The following BTG4 variants were observed in gnomAD, a reference collection of about 807,000 sequenced individuals.
BTG4 encodes BTG anti-proliferation factor 4, also known as protein BTG4.
BTG4 carries 10 observed loss-of-function variants against 19.3 expected under a neutral mutation model. The observed-to-expected ratio is 0.52, with a 90% CI of 0.32 to 0.88. BTG4 has a LOEUF of 0.88. Ranked by LOEUF, BTG4 falls within the 40% of genes least tolerant of loss-of-function variation. BTG4 has a pLI of 0.04. For synonymous variants in BTG4, 91 were observed against 95.7 expected (o/e 0.95, Z 0.29); for missense variants, 238 against 281.9 (o/e 0.84, Z 1.11).
At chr11:111,484,502 G>A (rs1220869982) in intron 5 of BTG4, among the ~76,000 whole-genome samples, 1 of 152,124 alleles carries the variant, frequency 6.6e-6, no homozygotes, top group African/African-American at 2.4e-5. Context: ...GGAGGAGATG[G>A]AGTTCAAGTG....
the BTG4 span, among the ~76,000 whole-genome samples, chr11:111,435,590 G>C: frequency 1.3e-5 from 2 of 152,172 alleles, no homozygotes. Flanking sequence ...CACCAGGCTT[G>C]GCCCTGGGAA....
chr11:111,445,208 C>G, the BTG4 span, among the ~76,000 whole-genome samples: 1 of 152,334 alleles, frequency 6.6e-6, no homozygotes, highest in South Asian at 2.1e-4. Flanking sequence ...CCAAACCTCT[C>G]TGAGCCTCAG....
chr11:111,392,169 CTTTTTTTTTTTTTTT>C, the BTG4 span, among the ~76,000 whole-genome samples: 4 of 85,396 alleles, frequency 4.7e-5, no homozygotes, highest in Admixed American at 1.6e-4. Context: ...CTGTGATTTT[CTTTTTTTTTTTTTTT>C]TTTTTTTTTT....
the BTG4 span, among the ~76,000 whole-genome samples, chr11:111,460,938 C>T: frequency 3.3e-5 from 5 of 152,306 alleles, no homozygotes; most frequent in South Asian, 8.3e-4. Flanking sequence ...CCCCCTGTCT[C>T]TCCCACCAAA....
At chr11:111,500,881 A>G (rs1866033625) in intron 1 of BTG4, among the ~76,000 whole-genome samples, 1 of 152,058 alleles carries the variant, frequency 6.6e-6, no homozygotes, top group African/African-American at 2.4e-5. Context: ...TCATTTTGTC[A>G]TATCTTTCCA....
intron 1 of BTG4, among the ~76,000 whole-genome samples, chr11:111,502,526 T>C (rs1057335761): frequency 2.0e-5 from 3 of 152,224 alleles, no homozygotes; most frequent in Non-Finnish European, 4.4e-5. Context: ...TTTGCAAAGA[T>C]TATTTTTTAA....
chr11:111,475,899 C>A (rs1266251675), intron 5 of BTG4, among the ~76,000 whole-genome samples: 2 of 152,068 alleles, frequency 1.3e-5, no homozygotes, highest in East Asian at 3.9e-4. Flanking sequence ...TCTTACATGG[C>A]AGCAGGCAAG....
chr11:111,509,803 C>T (rs1234883407), intron 1 of BTG4, among the ~76,000 whole-genome samples: 1 of 151,866 alleles, frequency 6.6e-6, no homozygotes, highest in Non-Finnish European at 1.5e-5. Flanking sequence ...TCTTCCTCTT[C>T]CAACAACATC....
chr11:111,424,238 G>A, the BTG4 span, among the ~76,000 whole-genome samples: 18 of 152,318 alleles, frequency 1.2e-4, no homozygotes, highest in African/African-American at 4.1e-4. Context: ...AGAGTGACAC[G>A]GATAGATGAT....
At chr11:111,436,356 C>T in the BTG4 span, among the ~76,000 whole-genome samples, 17 of 152,168 alleles carry the variant, frequency 1.1e-4, no homozygotes, top group Non-Finnish European at 2.1e-4. Flanking sequence ...GTGGCTCACG[C>T]CTGTAATCCC....
At chr11:111,489,815 T>G (rs1029157109), downstream of BTG4, among the ~76,000 whole-genome samples, 1 of 151,156 alleles carries the variant, frequency 6.6e-6, no homozygotes, top group African/African-American at 2.4e-5. Flanking sequence ...CCCATGGAAA[T>G]AGAGTAGAAT....
chr11:111,498,201 G>GCAC lies in BTG4; in HGVS notation c.174-69_174-67dup, dbSNP rs557236404. ...CACTTTAGCAGGAGAATCACATTAT[G>GCAC]CACATACTGTTCCAATACACATAGC... On this transcript the variant is annotated intron_variant, in intron 2 of 4. Transcript: ENST00000692032. The GCAC allele has an allele frequency of 7.2e-5, 113 of 1,564,708 alleles. 1 individual carries two copies. The East Asian group carries it at 2.4e-3, about 33-fold the overall frequency.
At chr11:111,438,502 T>C in the BTG4 span, among the ~76,000 whole-genome samples, 1 of 152,170 alleles carries the variant, frequency 6.6e-6, no homozygotes, top group East Asian at 1.9e-4. Flanking sequence ...TCATGGGCCA[T>C]TTCCCCCAGC....
downstream of BTG4, among the ~76,000 whole-genome samples, chr11:111,491,568 C>A (rs1001306761): frequency 6.6e-6 from 1 of 151,616 alleles, no homozygotes; most frequent in African/African-American, 2.4e-5. Flanking sequence ...GGCAACATAG[C>A]GAGACCTCGT....
chr11:111,494,867 G>T lies in BTG4; in HGVS notation c.*268C>A. ...ACCATTACTTTTCATAATTCATTGA[G>T]TCTTATTAGAGGTCAACATCTTCAT... On this transcript the variant is annotated 3_prime_UTR_variant, in exon 5 of 5. Coordinates refer to ENST00000692032, the MANE Select transcript of BTG4 (RefSeq NM_001367975.1). 1.0e-6 allele frequency: 1 copy of T among 979,590 alleles called. No individual in the cohort carries two copies. Among genetic ancestry groups the T allele is most frequent in the Non-Finnish European group, 1.2e-6 (1 of 824,710 alleles). 60.7% of individuals were successfully genotyped at this position (979,590 alleles called of 1,614,324 possible).
the BTG4 span, among the ~76,000 whole-genome samples, chr11:111,391,485 C>T: frequency 6.6e-6 from 1 of 152,186 alleles, no homozygotes; most frequent in East Asian, 1.9e-4. Flanking sequence ...ACTCAGGTTA[C>T]GCAGAACCTA....
chr11:111,475,378 C>A, intron 5 of BTG4: 1 of 152,014 alleles, frequency 6.6e-6, no homozygotes, highest in East Asian at 1.9e-4. Flanking sequence ...AAGATATTGA[C>A]TAAAACTTTC....
chr11:111,482,676 C>A (rs1864812240), intron 5 of BTG4, among the ~76,000 whole-genome samples: 2 of 152,022 alleles, frequency 1.3e-5, no homozygotes, highest in African/African-American at 4.8e-5. Flanking sequence ...GATGCAAGAA[C>A]AATTTGATGG....
the BTG4 span, among the ~76,000 whole-genome samples, chr11:111,411,029 C>G: frequency 6.6e-6 from 1 of 152,160 alleles, no homozygotes; most frequent in Non-Finnish European, 1.5e-5. Context: ...TCATTTCTAC[C>G]CTAGATTAAC....
Sources: allele counts gnomAD v4.1 joint callset (sites outside exome capture counted in the v4.1 genomes callset), GRCh38; gene constraint gnomAD v4.1.1; transcripts MANE v1.5; gene names NCBI Gene and HGNC (gene_info 2026-07-23, HGNC 2026-07-21).